GALNTL6: variants seen among roughly 807,000 people sequenced by gnomAD.
GALNTL6 encodes polypeptide N-acetylgalactosaminyltransferase-like 6.
In GALNTL6, 46 loss-of-function variants were observed where a neutral mutation model predicts 73.7. That is an observed-to-expected ratio of 0.62 (90% CI 0.49 to 0.80). The LOEUF (loss-of-function observed/expected upper bound fraction) is 0.80. GALNTL6 is among the 30% of genes least tolerant of loss of function. The pLI, the probability that GALNTL6 is intolerant of heterozygous loss-of-function variation, is 0.00. For missense variants in GALNTL6, 604 were observed against 755.0 expected (o/e 0.80, Z 2.34); for synonymous variants, 259 against 263.7 (o/e 0.98, Z 0.17).
intron 2 of GALNTL6, among the ~76,000 whole-genome samples, chr4:171,858,046 C>T (rs112197943): frequency 0.013 from 2,049 of 152,148 alleles, 26 homozygotes; most frequent in Middle Eastern, 0.061. Flanking sequence ...TTTCCATTTC[C>T]TCATTCAATT....
At chr4:171,903,189 C>T (rs1247235727) in intron 2 of GALNTL6, among the ~76,000 whole-genome samples, 1 of 152,094 alleles carries the variant, frequency 6.6e-6, no homozygotes, top group South Asian at 2.1e-4. Flanking sequence ...CCAGCGTGAG[C>T]GACACAGAAG....
chr4:172,820,161 G>A (rs1192284864), intron 7 of GALNTL6, among the ~76,000 whole-genome samples: 2 of 152,202 alleles, frequency 1.3e-5, no homozygotes, highest in Non-Finnish European at 2.9e-5. Context: ...CCCAGGCTTG[G>A]GTTGACTAAT....
At chr4:172,057,971 C>T (rs1030084124) in intron 2 of GALNTL6, among the ~76,000 whole-genome samples, 8 of 151,922 alleles carry the variant, frequency 5.3e-5, no homozygotes, top group Non-Finnish European at 8.8e-5. Flanking sequence ...TAGTACCAAA[C>T]TGACTTCATT....
At chr4:172,388,256 G>T (rs1743541672) in intron 5 of GALNTL6, among the ~76,000 whole-genome samples, 1 of 152,088 alleles carries the variant, frequency 6.6e-6, no homozygotes, top group South Asian at 2.1e-4. Flanking sequence ...TGTAGATGGA[G>T]CATCTGTCTG....
chr4:172,442,232 C>T (rs1356440922), intron 5 of GALNTL6, among the ~76,000 whole-genome samples: 1 of 152,070 alleles, frequency 6.6e-6, no homozygotes, highest in Non-Finnish European at 1.5e-5. Flanking sequence ...ACTACTATGT[C>T]CCACTCTGAG....
intron 2 of GALNTL6, among the ~76,000 whole-genome samples, chr4:172,164,606 C>G (rs28451384): frequency 0.42 from 64,378 of 151,728 alleles, 14,496 homozygotes; most frequent in African/African-American, 0.57. Flanking sequence ...TATTACTATA[C>G]TAATAATAGA....
intron 2 of GALNTL6, among the ~76,000 whole-genome samples, chr4:171,968,424 C>A (rs546906421): frequency 5.9e-5 from 9 of 152,284 alleles, no homozygotes; most frequent in African/African-American, 2.2e-4. Context: ...AAACACAACA[C>A]CGTAATCTCT....
intron 11 of GALNTL6, 67 bp from the exon 12 acceptor site, chr4:173,021,409 C>T (rs1308404833): frequency 2.0e-6 from 3 of 1,513,720 alleles, no homozygotes; most frequent in South Asian, 2.4e-5. Context: ...ACATACCTTC[C>T]CCCGCCCTTG....
At chr4:171,893,608 G>A (rs1736821356) in intron 2 of GALNTL6, among the ~76,000 whole-genome samples, 1 of 152,060 alleles carries the variant, frequency 6.6e-6, no homozygotes, top group African/African-American at 2.4e-5. Flanking sequence ...TAATATTATT[G>A]AATATTAGAC....
At position 172,373,528 on chromosome 4, in the gene GALNTL6, C is replaced by T. The variant is rs888230857; in HGVS notation, c.553+24839C>T. On this transcript the variant is annotated intron_variant, in intron 5 of 12. Transcript: ENST00000506823. Reference sequence around the variant, plus strand: ...ATATCCTGTAAACCTTTATGAGCTTCAGGCCTTAAGGGATATTGCCTTTGA... The same window carrying T: ...ATATCCTGTAAACCTTTATGAGCTTTAGGCCTTAAGGGATATTGCCTTTGA... Among the ~76,000 whole-genome samples the T allele has an allele frequency of 3.3e-5, 5 of 150,978 alleles. No homozygotes were observed. The Middle Eastern group carries it at 0.014, about 411-fold the overall frequency.
At chr4:171,858,248 T>A (rs187766304) in intron 2 of GALNTL6, among the ~76,000 whole-genome samples, 11 of 152,136 alleles carry the variant, frequency 7.2e-5, no homozygotes, top group Non-Finnish European at 1.6e-4. Context: ...TAGACAGTTA[T>A]CTTCACTGAA....
At chr4:172,955,977 CA>C (rs1370809461) in intron 10 of GALNTL6, among the ~76,000 whole-genome samples, 2 of 152,052 alleles carry the variant, frequency 1.3e-5, no homozygotes, top group Admixed American at 6.5e-5. Context: ...GGAATGTCAT[CA>C]AGTTAAGGCA....
chr4:172,978,040 C>T (rs1750905552), intron 10 of GALNTL6, among the ~76,000 whole-genome samples: 1 of 152,094 alleles, frequency 6.6e-6, no homozygotes, highest in Admixed American at 6.5e-5. Flanking sequence ...GGGATTTCAC[C>T]ATGTTGGCCA....
intron 2 of GALNTL6, among the ~76,000 whole-genome samples, chr4:172,213,410 G>A (rs112196796): frequency 0.016 from 2,426 of 152,066 alleles, 41 homozygotes; most frequent in Non-Finnish European, 0.022. Context: ...GTTGCTTTAC[G>A]TCCTCCCTAG....
intron 5 of GALNTL6, among the ~76,000 whole-genome samples, chr4:172,376,229 G>C (rs1202253949): frequency 6.6e-6 from 1 of 152,170 alleles, no homozygotes; most frequent in East Asian, 1.9e-4. Context: ...GACAGGGAGT[G>C]ATTTTTAGAA....
chr4:171,850,465 T>A (rs1362872685), intron 2 of GALNTL6, among the ~76,000 whole-genome samples: 1 of 152,190 alleles, frequency 6.6e-6, no homozygotes, highest in East Asian at 1.9e-4. Context: ...AATCAGCATC[T>A]GGTGGGACTG....
chr4:171,838,126 A>G (rs1053506405), intron 2 of GALNTL6, among the ~76,000 whole-genome samples: 6 of 150,998 alleles, frequency 4.0e-5, no homozygotes, highest in African/African-American at 1.5e-4. Context: ...TTATTTATTT[A>G]TTTATTTATT....
intron 5 of GALNTL6, among the ~76,000 whole-genome samples, chr4:172,647,536 T>A (rs1470310621): frequency 6.6e-6 from 1 of 152,026 alleles, no homozygotes; most frequent in Non-Finnish European, 1.5e-5. Flanking sequence ...TGAGGCACGC[T>A]CTTCTAATAC....
At chr4:172,762,236 C>T (rs114731005) in intron 5 of GALNTL6, among the ~76,000 whole-genome samples, 1 of 152,172 alleles carries the variant, frequency 6.6e-6, no homozygotes, top group African/African-American at 2.4e-5. Flanking sequence ...GCTCATTCAA[C>T]TGCAGAGGTA....
Sources: gnomAD v4.1 joint callset for allele counts (sites outside exome capture counted in the v4.1 genomes callset) on GRCh38, gnomAD v4.1.1 for gene constraint, MANE v1.5 for transcripts, NCBI Gene and HGNC (gene_info 2026-07-23, HGNC 2026-07-21) for gene names.